EXTL3: variants seen among roughly 807,000 people sequenced by gnomAD.
The protein encoded by EXTL3 is exostosin-like 3.
In EXTL3, 27 loss-of-function variants were observed where a neutral mutation model predicts 69.3. The ratio of observed to expected loss-of-function variants is 0.39; its 90% CI spans 0.29 to 0.54. EXTL3 has a LOEUF of 0.54. Ranked by LOEUF, EXTL3 falls within the 20% of genes least tolerant of loss-of-function variation. The probability of loss-of-function intolerance (pLI) is 0.69; values close to 1 mark genes in which losing one functional copy is unlikely to be tolerated. For missense variants in EXTL3, 1,003 were observed against 1,231.8 expected (o/e 0.81, Z 2.78); for synonymous variants, 511 against 499.4 (o/e 1.02, Z -0.31).
Position 28,691,173 on chromosome 8 carries a change from G to T in EXTL3, c.-52-22284G>T, listed in dbSNP as rs144733187. ...GAAAGATACAGAAAAAGCTGCCGTT[G>T]ACCACCACCATGGTCATTTCATAAA... On this transcript the variant is annotated intron_variant, in intron 1 of 6. Coordinates refer to the EXTL3 transcript ENST00000523149. Among the ~76,000 whole-genome samples, 1,404 of 152,250 alleles carry T rather than the reference G, an allele frequency of 9.2e-3. 20 individuals carry two copies. The highest frequency in any genetic ancestry group is 0.032 in the African/African-American group (1,348 of 41,532).
chr8:28,650,573 G>C (rs1271241571), intron 1 of EXTL3, among the ~76,000 whole-genome samples: 1 of 152,012 alleles, frequency 6.6e-6, no homozygotes, highest in Non-Finnish European at 1.5e-5. Context: ...GGGCCAGGCT[G>C]GTCCCAAACT....
chr8:28,667,486 T>G (rs1428273795), intron 1 of EXTL3, among the ~76,000 whole-genome samples: 1 of 152,230 alleles, frequency 6.6e-6, no homozygotes, highest in Non-Finnish European at 1.5e-5. Context: ...GTGGCTACCC[T>G]CCTCACTGGA....
At chr8:28,617,932 A>G (rs1317562316), upstream of EXTL3, among the ~76,000 whole-genome samples, 1 of 152,242 alleles carries the variant, frequency 6.6e-6, no homozygotes, top group African/African-American at 2.4e-5. Context: ...TGAAATATCT[A>G]GAACATGGAA....
Position 28,750,762 on chromosome 8 carries a change from G to T in EXTL3, c.2656G>T (p.Val886Leu), listed in dbSNP as rs1403653131. The T allele has an allele frequency of 6.2e-7, 1 of 1,614,198 alleles. No homozygotes were observed. The highest frequency in any genetic ancestry group is 8.5e-7 in the Non-Finnish European group (1 of 1,180,028). Residue 886 changes from valine to leucine, a missense_variant, in exon 7 of 7, where the codon GTG (valine) becomes TTG (leucine). Around this residue, in one of 2 missense-constraint regions of EXTL3, gnomAD observed 261 missense variants for 416.4 expected, o/e 0.63. Transcript: ENST00000220562. The surrounding 1 kb of genome is among the most constrained non-coding windows in gnomAD (Gnocchi z 5.2). The part of the protein sequence containing the change: ...RHKCINFFVK[V>L]YGYMPLLYTQ... ...CAAGTGCATCAACTTCTTCGTGAAG[G>T]TGTACGGCTACATGCCCCTCCTGTA...
intron 1 of EXTL3, among the ~76,000 whole-genome samples, chr8:28,632,900 A>AT (rs2130565813): frequency 6.6e-6 from 1 of 152,270 alleles, no homozygotes; most frequent in East Asian, 1.9e-4. Flanking sequence ...CTACCTGGCA[A>AT]TTAGAAGATG....
chr8:28,720,571 A>G (rs1801273405), intron 3 of EXTL3, among the ~76,000 whole-genome samples: 1 of 152,192 alleles, frequency 6.6e-6, no homozygotes, highest in Non-Finnish European at 1.5e-5. Flanking sequence ...GCATAAAAAG[A>G]TCTAGCTTAG....
chr8:28,729,031 C>G (rs756185694), intron 3 of EXTL3, among the ~76,000 whole-genome samples: 23 of 152,108 alleles, frequency 1.5e-4, no homozygotes, highest in Non-Finnish European at 2.9e-4. Flanking sequence ...TGTGGTGACT[C>G]ATGCCTGTAA....
Position 28,680,820 on chromosome 8 carries a change from G to A in EXTL3, c.-52-32637G>A, listed in dbSNP as rs115007807. 5.1e-3 allele frequency among the ~76,000 whole-genome samples: 780 copies of A among 152,174 alleles called. 4 individuals are homozygous for A. The highest frequency in any genetic ancestry group is 0.018 in the African/African-American group (727 of 41,510). On this transcript the variant is annotated intron_variant, in intron 1 of 6. Coordinates refer to the EXTL3 transcript ENST00000523149. ...ATCAATGCAGTATTTGTCTTTCTGT[G>A]CCTGGCTTATTTCACTTAGCATAAT...
rs1283443444 is a variant in EXTL3 at position 28,717,407 on chromosome 8, C to T, written c.1348C>T (p.Arg450Trp). ...GGTTATTTCCTCTGGGTGTGCAACA[C>T]GGCTCTTCGAAGCCCTGGAAGTCGG... ...RLVISSGCAT[R>W]LFEALEVGAV... Residue 450 changes from arginine to tryptophan, a missense_variant, in exon 3 of 7, where the codon CGG (arginine) becomes TGG (tryptophan). Coordinates refer to ENST00000220562, the MANE Select transcript of EXTL3 (RefSeq NM_001440.4). The surrounding 1 kb of genome is among the most constrained non-coding windows in gnomAD (Gnocchi z 8.3). The T allele has an allele frequency of 2.5e-6, 4 of 1,614,214 alleles. No individual in the cohort carries two copies. The highest frequency in any genetic ancestry group is 1.7e-5 in the Admixed American group (1 of 60,028).
At chr8:28,622,787 C>G (rs975947394) in exon 1 of EXTL3, 2 of 152,422 alleles carry the variant, frequency 1.3e-5, no homozygotes, top group East Asian at 3.9e-4. Flanking sequence ...CGCTGGAGAC[C>G]GCGGGACCTG....
chr8:28,749,917 C>T (rs1349516265), intron 6 of EXTL3, among the ~76,000 whole-genome samples: 1 of 152,204 alleles, frequency 6.6e-6, no homozygotes, highest in African/African-American at 2.4e-5. Context: ...TGGTTTTGTA[C>T]TCCTGGGCTC....
At chr8:28,638,707 C>G (rs1262075438) in intron 1 of EXTL3, among the ~76,000 whole-genome samples, 1 of 152,220 alleles carries the variant, frequency 6.6e-6, no homozygotes, top group Non-Finnish European at 1.5e-5. Context: ...TCTCAGCTCA[C>G]TGCAGTCTCT....
intron 1 of EXTL3, among the ~76,000 whole-genome samples, chr8:28,688,879 G>A (rs1250608478): frequency 2.0e-5 from 3 of 152,186 alleles, no homozygotes; most frequent in Non-Finnish European, 4.4e-5. Context: ...TTTGTCAAGG[G>A]CCGGAAGAGA....
chr8:28,664,041 C>T (rs1361638173), intron 1 of EXTL3, among the ~76,000 whole-genome samples: 1 of 152,242 alleles, frequency 6.6e-6, no homozygotes, highest in African/African-American at 2.4e-5. Context: ...CCAGGTGACA[C>T]CTTCTTCACC....
intron 1 of EXTL3, among the ~76,000 whole-genome samples, chr8:28,690,042 C>T (rs1800588447): frequency 2.0e-5 from 3 of 152,134 alleles, no homozygotes; most frequent in African/African-American, 4.8e-5. Flanking sequence ...CCCTGGGGGG[C>T]TACAGGGATG....
intron 1 of EXTL3, among the ~76,000 whole-genome samples, chr8:28,654,098 AAGTT>A (rs1170603095): frequency 6.6e-6 from 1 of 152,192 alleles, no homozygotes; most frequent in Admixed American, 6.6e-5. Flanking sequence ...ATTACATTTT[AAGTT>A]AGTTGTTTGC....
intron 1 of EXTL3, among the ~76,000 whole-genome samples, chr8:28,668,865 C>CTTTTTTTTT (rs999113088): frequency 0.14 from 12,732 of 93,784 alleles, 2,798 homozygotes; most frequent in African/African-American, 0.35. Flanking sequence ...GATAGAATCT[C>CTTTTTTTTT]TTTTTTTTTT....
chr8:28,755,120 A>G lies in EXTL3; in HGVS notation c.*4254A>G, dbSNP rs1802092003. On this transcript the variant is annotated 3_prime_UTR_variant, in exon 7 of 7. Coordinates refer to ENST00000220562, the MANE Select transcript of EXTL3 (RefSeq NM_001440.4). ...TGTTAAAAGTTAAATAATATAATAT[A>G]CGTAGAGTCCACTGTTTGACACAAT... 1 of 152,220 alleles carries G rather than the reference A, an allele frequency of 6.6e-6. No individual in the cohort carries two copies. The highest frequency in any genetic ancestry group is 2.1e-4 in the South Asian group (1 of 4,836). The allele number at this position is 152,220 out of a possible 1,614,324, so 9.4% of individuals were successfully genotyped here.
At chr8:28,715,096 T>G (rs978437331) in intron 2 of EXTL3, among the ~76,000 whole-genome samples, 1 of 152,258 alleles carries the variant, frequency 6.6e-6, no homozygotes, top group African/African-American at 2.4e-5. Flanking sequence ...TCTTCAACCC[T>G]TTCAACTCTA....
Sources: gnomAD v4.1 joint callset for allele counts (sites outside exome capture counted in the v4.1 genomes callset) on GRCh38, gnomAD v4.1.1 for gene constraint, gnomAD v4.1.1 regional missense constraint, Gnocchi (gnomAD v3.1) non-coding constraint, MANE v1.5 for transcripts, NCBI Gene and HGNC (gene_info 2026-07-23, HGNC 2026-07-21) for gene names.